Variants in KIAA0825 observed in about 807,000 individuals in gnomAD.
KIAA0825 encodes KIAA0825.
In KIAA0825, 119 loss-of-function variants were observed where a neutral mutation model predicts 147.6. The ratio of observed to expected loss-of-function variants is 0.81; its 90% CI spans 0.69 to 0.94. The LOEUF (loss-of-function observed/expected upper bound fraction) is 0.94. Among genes scored for constraint, KIAA0825 ranks in the 40% least tolerant of loss-of-function variants. KIAA0825 has a pLI of 0.00. For missense variants in KIAA0825, 1,381 were observed against 1,472.7 expected, an observed-to-expected ratio of 0.94 and a Z score of 1.02; for synonymous variants, 470 against 518.1, an observed-to-expected ratio of 0.91 and a Z score of 1.26.
chr5:94,616,849 A>T (rs1790643895), intron 1 of KIAA0825, among the ~76,000 whole-genome samples: 1 of 152,158 alleles, frequency 6.6e-6, no homozygotes, highest in Admixed American at 6.5e-5. Context: ...TTGATTTCTA[A>T]ATGTGACATA....
At chr5:94,566,496 C>A (rs1778739663) in intron 2 of KIAA0825, among the ~76,000 whole-genome samples, 1 of 151,986 alleles carries the variant, frequency 6.6e-6, no homozygotes, top group Non-Finnish European at 1.5e-5. Flanking sequence ...AAATTTATAT[C>A]TTTGCTTTCA....
intron 13 of KIAA0825, among the ~76,000 whole-genome samples, chr5:94,442,806 G>A (rs924837908): frequency 5.3e-5 from 8 of 152,148 alleles, no homozygotes; most frequent in African/African-American, 1.9e-4. Context: ...TTTGGCTGAA[G>A]TGTAGAAAGG....
chr5:94,596,027 C>G (rs1233768794), intron 1 of KIAA0825, among the ~76,000 whole-genome samples: 1 of 152,182 alleles, frequency 6.6e-6, no homozygotes, highest in Non-Finnish European at 1.5e-5. Context: ...AATATTTTCT[C>G]CCACTCTGCA....
chr5:94,226,921 G>T (rs1774223714), intron 20 of KIAA0825, among the ~76,000 whole-genome samples: 1 of 152,134 alleles, frequency 6.6e-6, no homozygotes, highest in African/African-American at 2.4e-5. Context: ...GGAGGTGGAG[G>T]AATAGGAACA....
At chr5:94,202,976 T>G (rs1253629419) in intron 20 of KIAA0825, among the ~76,000 whole-genome samples, 3 of 152,208 alleles carry the variant, frequency 2.0e-5, no homozygotes, top group South Asian at 4.1e-4. Flanking sequence ...TCTTTGGCTT[T>G]CTTAGAACTG....
intron 20 of KIAA0825, among the ~76,000 whole-genome samples, chr5:94,333,952 G>C (rs1781536843): frequency 6.6e-6 from 1 of 152,028 alleles, no homozygotes; most frequent in Non-Finnish European, 1.5e-5. Flanking sequence ...AAATACGAGA[G>C]GACACAAACA....
At chr5:94,271,083 A>T (rs1776959978) in intron 20 of KIAA0825, among the ~76,000 whole-genome samples, 1 of 152,192 alleles carries the variant, frequency 6.6e-6, no homozygotes, top group Non-Finnish European at 1.5e-5. Context: ...TTGAAAAGGT[A>T]TAATTTGAAA....
intron 20 of KIAA0825, among the ~76,000 whole-genome samples, chr5:94,255,874 A>G (rs1443982890): frequency 6.6e-6 from 1 of 151,252 alleles, no homozygotes; most frequent in Non-Finnish European, 1.5e-5. Context: ...CGACCATGCC[A>G]AGCTAATTTT....
intron 20 of KIAA0825, among the ~76,000 whole-genome samples, chr5:94,209,795 C>T (rs1356317864): frequency 4.6e-5 from 7 of 152,110 alleles, no homozygotes; most frequent in African/African-American, 1.7e-4. Context: ...CAGCTCAACC[C>T]TGTTGATTAA....
At chr5:94,365,069 C>G (rs995780923) in intron 20 of KIAA0825, among the ~76,000 whole-genome samples, 8 of 152,118 alleles carry the variant, frequency 5.3e-5, no homozygotes, top group Non-Finnish European at 1.0e-4. Flanking sequence ...GGGTGGGCGG[C>G]TATGTAAACG....
intron 20 of KIAA0825, among the ~76,000 whole-genome samples, chr5:94,188,640 T>A (rs1770380090): frequency 6.6e-6 from 1 of 152,142 alleles, no homozygotes; most frequent in African/African-American, 2.4e-5. Context: ...TATTTGATAG[T>A]AGAGATATAT....
Position 94,574,543 on chromosome 5 carries a change from C to CA in KIAA0825, c.-2+7889dup, listed in dbSNP as rs1181241238. On this transcript the variant is annotated intron_variant, in intron 2 of 20. Coordinates refer to ENST00000682413, the MANE Select transcript of KIAA0825 (RefSeq NM_001145678.3). The stretch of plus-strand genomic sequence containing the variant: ...AGGGTGACAGTGTAAGACTCCATCT[C>CA]AAAAAAAAAAAAAAAAAAAAAAGAA... Among the ~76,000 whole-genome samples the CA allele has an allele frequency of 5.6e-3, 366 of 65,432 alleles. 4 individuals are homozygous for CA. Among genetic ancestry groups the CA allele is most frequent in the Admixed American group, 8.4e-3 (36 of 4,286 alleles). 42.9% of individuals were successfully genotyped at this position (65,432 alleles called of 152,430 possible).
chr5:94,256,839 G>A (rs557706012), intron 20 of KIAA0825, among the ~76,000 whole-genome samples: 1 of 152,150 alleles, frequency 6.6e-6, no homozygotes, highest in South Asian at 2.1e-4. Context: ...AACTTCAAAG[G>A]AGTTCCTGTT....
chr5:94,171,203 A>T (rs1407133946), intron 20 of KIAA0825, among the ~76,000 whole-genome samples: 2 of 152,148 alleles, frequency 1.3e-5, no homozygotes, highest in Non-Finnish European at 2.9e-5. Flanking sequence ...TGCTGTTCTC[A>T]TGATAGTGAA....
At chr5:94,212,398 A>G (rs754883897) in intron 20 of KIAA0825, among the ~76,000 whole-genome samples, 6 of 152,196 alleles carry the variant, frequency 3.9e-5, no homozygotes, top group Non-Finnish European at 7.3e-5. Context: ...TACAACATAC[A>G]TGTAAACATT....
intron 5 of KIAA0825, among the ~76,000 whole-genome samples, chr5:94,511,841 T>G (rs1371890957): frequency 6.6e-6 from 1 of 151,594 alleles, no homozygotes; most frequent in Non-Finnish European, 1.5e-5. Flanking sequence ...TACAAAAAAT[T>G]AGCTGGGCAT....
intron 2 of KIAA0825, chr5:94,568,698 C>T (rs1019982269): frequency 1.3e-5 from 2 of 152,698 alleles, no homozygotes; most frequent in Non-Finnish European, 2.9e-5. Context: ...TTTCACTTTT[C>T]CAACATACTC....
At chr5:94,173,639 A>G (rs1055621858) in intron 20 of KIAA0825, among the ~76,000 whole-genome samples, 1 of 152,190 alleles carries the variant, frequency 6.6e-6, no homozygotes, top group African/African-American at 2.4e-5. Flanking sequence ...CTTCTATAGT[A>G]TTCTATTGGT....
At chr5:94,436,808 T>C (rs1562495375) in intron 14 of KIAA0825, among the ~76,000 whole-genome samples, 1 of 152,194 alleles carries the variant, frequency 6.6e-6, no homozygotes, top group South Asian at 2.1e-4. Flanking sequence ...GAGCAGTGGT[T>C]TGTAGTTCTT....
Sources: gnomAD v4.1 joint callset for allele counts (sites outside exome capture counted in the v4.1 genomes callset) on GRCh38, gnomAD v4.1.1 for gene constraint, MANE v1.5 for transcripts, NCBI Gene and HGNC (gene_info 2026-07-23, HGNC 2026-07-21) for gene names.